ZNF568: variants seen among roughly 807,000 people sequenced by gnomAD.
The protein encoded by ZNF568 is p53 inhibitor of SCO2 activation.
ZNF568 carries 11 observed loss-of-function variants against 18.1 expected under a neutral mutation model. The observed-to-expected ratio is 0.61, with a 90% CI of 0.38 to 1.00. The LOEUF is 1.00. Among genes scored for constraint, ZNF568 ranks in the 50% least tolerant of loss-of-function variants. ZNF568 has a pLI of 0.01. For missense variants in ZNF568, 639 were observed against 768.2 expected, an observed-to-expected ratio of 0.83 and a Z score of 1.99; for synonymous variants, 213 against 246.6, an observed-to-expected ratio of 0.86 and a Z score of 1.28.
At chr19:36,991,733 C>G in intron 3 of ZNF568, 1 of 1,543,960 alleles carries the variant, frequency 6.5e-7, no homozygotes. Context: ...AAACCTTGTT[C>G]CCTTTGTTTT....
intron 7 of ZNF568, among the ~76,000 whole-genome samples, chr19:36,977,287 C>T (rs2074293833): frequency 6.6e-6 from 1 of 152,092 alleles, no homozygotes; most frequent in Non-Finnish European, 1.5e-5. Flanking sequence ...TGATATCTCA[C>T]CAGAGAATGT....
intron 4 of ZNF568, chr19:36,931,471 C>T (rs1168638221): frequency 1.3e-5 from 2 of 152,212 alleles, no homozygotes; most frequent in Non-Finnish European, 2.9e-5. Flanking sequence ...AGGTGATCCT[C>T]CCGCCTCAGC....
intron 6 of ZNF568, among the ~76,000 whole-genome samples, chr19:36,959,567 A>G (rs1165736898): frequency 6.6e-6 from 1 of 152,112 alleles, no homozygotes; most frequent in Non-Finnish European, 1.5e-5. Context: ...ATTTTTTGAA[A>G]TAGTTTCAGG....
intron 7 of ZNF568, among the ~76,000 whole-genome samples, chr19:36,978,255 T>C (rs184727631): frequency 3.9e-5 from 6 of 152,268 alleles, no homozygotes; most frequent in Non-Finnish European, 5.9e-5. Flanking sequence ...AAGCCTAATG[T>C]TGGAGTAAAG....
At chr19:36,956,496 A>G (rs953613621), downstream of ZNF568, among the ~76,000 whole-genome samples, 11 of 152,154 alleles carry the variant, frequency 7.2e-5, no homozygotes, top group Non-Finnish European at 1.6e-4. Flanking sequence ...TCTCCCCAAT[A>G]AACCCTATCA....
chr19:36,938,413 G>A (rs974410345), intron 6 of ZNF568, among the ~76,000 whole-genome samples: 2 of 152,060 alleles, frequency 1.3e-5, no homozygotes, highest in Non-Finnish European at 1.5e-5. Context: ...AAAATCAATA[G>A]CTTTCATATA....
intron 2 of ZNF568, among the ~76,000 whole-genome samples, chr19:36,918,108 G>C (rs919689022): frequency 6.6e-6 from 1 of 151,994 alleles, no homozygotes; most frequent in Admixed American, 6.6e-5. Context: ...CACCACGCCC[G>C]GCTGATTTTT....
At chr19:36,946,591 C>T (rs533279781) in intron 6 of ZNF568, among the ~76,000 whole-genome samples, 117 of 150,322 alleles carry the variant, frequency 7.8e-4, no homozygotes, top group Non-Finnish European at 1.1e-3. Flanking sequence ...TAAACATCTT[C>T]CAAAATTCTA....
At chr19:36,964,600 C>T (rs1044176142) in intron 6 of ZNF568, among the ~76,000 whole-genome samples, 2 of 152,180 alleles carry the variant, frequency 1.3e-5, no homozygotes, top group African/African-American at 4.8e-5. Context: ...ATAGCTTGAG[C>T]CCAGGAGTTC....
Position 36,949,659 on chromosome 19 carries a change from T to C in ZNF568, c.506T>C (p.Val169Ala). 1 of 1,613,866 alleles carries C rather than the reference T, an allele frequency of 6.2e-7. No individual in the cohort carries two copies. Among genetic ancestry groups the C allele is most frequent in the Non-Finnish European group, 8.5e-7 (1 of 1,179,870 alleles). The change falls in exon 7 of 7, where the codon GTT (valine) becomes GCT (alanine). Residue 169 changes from valine (V) to alanine (A), a missense_variant. Val to Ala is a moderately conservative substitution (Grantham distance 64, BLOSUM62 0). Coordinates refer to ENST00000333987, the MANE Select transcript of ZNF568 (RefSeq NM_198539.4). ...ATATTTCCTCTGAGTTCAGACATTG[T>C]TACTTCAAGACAAAGCTTCTATGAC... ...AKIFPLSSDIVTSRQSFYDCD... is the reference protein window; with the variant it reads ...AKIFPLSSDIATSRQSFYDCD...
chr19:36,996,242 C>T, intron 4 of ZNF568: 3 of 1,125,126 alleles, frequency 2.7e-6, no homozygotes, highest in South Asian at 3.5e-5. Flanking sequence ...TTTATTTTGT[C>T]ATTTCTACTT....
downstream of ZNF568, chr19:36,997,317 G>T: frequency 6.2e-7 from 1 of 1,601,404 alleles, no homozygotes. Context: ...AATGTGGGAA[G>T]TCCTTTCGTC....
At chr19:36,946,179 A>C (rs1226752272) in intron 6 of ZNF568, among the ~76,000 whole-genome samples, 1 of 152,134 alleles carries the variant, frequency 6.6e-6, no homozygotes, top group Non-Finnish European at 1.5e-5. Flanking sequence ...TTGGTGTTTC[A>C]GGGACAGGGT....
downstream of ZNF568, chr19:36,997,441 G>A: frequency 2.5e-6 from 4 of 1,589,908 alleles, no homozygotes; most frequent in South Asian, 3.4e-5. Context: ...ACATCAAAAA[G>A]TTCACACTGG....
chr19:36,956,982 A>G (rs1403979626), downstream of ZNF568, among the ~76,000 whole-genome samples: 2 of 152,158 alleles, frequency 1.3e-5, no homozygotes, highest in Non-Finnish European at 2.9e-5. Context: ...TATTTTATGA[A>G]AAAGAATTAT....
chr19:36,979,978 C>T (rs1440449325), downstream of ZNF568: 1 of 151,470 alleles, frequency 6.6e-6, no homozygotes. Flanking sequence ...GAGGTTGAGC[C>T]CCCCACCCCC....
intron 6 of ZNF568, among the ~76,000 whole-genome samples, chr19:36,937,590 T>C (rs2073812510): frequency 1.3e-5 from 2 of 152,194 alleles, no homozygotes; most frequent in Non-Finnish European, 2.9e-5. Flanking sequence ...TCTTATGCAT[T>C]CAGTATTTCA....
At chr19:36,997,629 A>G (rs2074491297), downstream of ZNF568, 3 of 1,496,882 alleles carry the variant, frequency 2.0e-6, no homozygotes, top group South Asian at 3.6e-5. Flanking sequence ...GTGAGAAACC[A>G]TATGAATGTC....
chr19:36,933,284 A>G (rs1399675479), intron 4 of ZNF568, among the ~76,000 whole-genome samples: 1 of 151,742 alleles, frequency 6.6e-6, no homozygotes, highest in Non-Finnish European at 1.5e-5. Context: ...TGAAAAGACT[A>G]TTCTCTTCCC....
Sources: gnomAD v4.1 joint callset for allele counts (sites outside exome capture counted in the v4.1 genomes callset) on GRCh38, gnomAD v4.1.1 for gene constraint, MANE v1.5 for transcripts, NCBI Gene and HGNC (gene_info 2026-07-23, HGNC 2026-07-21) for gene names.